TYW5: variants seen among roughly 807,000 people sequenced by gnomAD.
TYW5 encodes the protein tRNA-yW synthesizing protein 5, also known as tRNA wybutosine-synthesizing protein 5.
A neutral mutation model predicts 44.4 loss-of-function variants in TYW5; 36 were observed. The observed-to-expected ratio is 0.81, with a 90% CI of 0.62 to 1.07. The LOEUF (loss-of-function observed/expected upper bound fraction) is 1.07. Among genes scored for constraint, TYW5 ranks in the 50% least tolerant of loss-of-function variants. The pLI, the probability that TYW5 is intolerant of heterozygous loss-of-function variation, is 0.00. For missense variants in TYW5, 354 were observed against 365.7 expected, an observed-to-expected ratio of 0.97 and a Z score of 0.26; for synonymous variants, 121 against 128.1, an observed-to-expected ratio of 0.94 and a Z score of 0.37.
chr2:199,954,150 T>C (rs1369499039), intron 1 of TYW5, among the ~76,000 whole-genome samples: 1 of 151,792 alleles, frequency 6.6e-6, no homozygotes, highest in East Asian at 1.9e-4. Flanking sequence ...TCGCCCATGC[T>C]GGAGCAGTGG....
chr2:199,953,147 C>T (rs2077559858), intron 1 of TYW5, among the ~76,000 whole-genome samples: 1 of 152,128 alleles, frequency 6.6e-6, no homozygotes, highest in African/African-American at 2.4e-5. Flanking sequence ...CATGGCGAAA[C>T]TCCGCCTCTA....
At chr2:199,940,164 C>A (rs1241600158) in intron 3 of TYW5, 31 bp from the exon 4 acceptor site, 3 of 1,601,098 alleles carry the variant, frequency 1.9e-6, no homozygotes, top group Non-Finnish European at 2.6e-6. Flanking sequence ...ATAACATCAG[C>A]AATATTTTAC....
rs1325494981 is a variant in TYW5 at position 199,930,813 on chromosome 2, C to T, written c.*2254G>A. The T allele has an allele frequency of 6.6e-6, 1 of 152,088 alleles. No individual in the cohort carries two copies. Among genetic ancestry groups the T allele is most frequent in the Non-Finnish European group, 1.5e-5 (1 of 68,028 alleles). 9.4% of individuals were successfully genotyped at this position (152,088 alleles called of 1,614,324 possible). The stretch of plus-strand genomic sequence containing the variant: ...TCACAACGAATCCCGGTTTCTATCA[C>T]CCATAGCTATGTGAACCCAGACAAT... On this transcript the variant is annotated 3_prime_UTR_variant, in exon 8 of 8. Transcript: ENST00000354611.
rs1404563908 is a variant in TYW5, at chr2:199,931,752, T to C, written c.*1315A>G. ...CAATAGAGAAAATGATTTTCTCTAA[T>C]TAAAATGCACCAAATTGATGTACTA... On this transcript the variant is annotated 3_prime_UTR_variant, in exon 8 of 8. Transcript: ENST00000354611. The C allele has an allele frequency of 2.0e-5, 3 of 152,154 alleles. No individual in the cohort carries two copies. The highest frequency in any genetic ancestry group is 2.0e-4 in the Admixed American group (3 of 15,262). The allele number at this position is 152,154 out of a possible 1,614,324, so 9.4% of individuals were successfully genotyped here.
rs1241488559 is a variant in TYW5 at position 199,935,969 on chromosome 2, TC to T, written c.652del (p.Glu218AsnfsTer20). 8 of 1,612,826 alleles carry T rather than the reference TC, an allele frequency of 5.0e-6. No individual in the cohort carries two copies. Among genetic ancestry groups the T allele is most frequent in the Non-Finnish European group, 6.8e-6 (8 of 1,179,250 alleles). On this transcript the variant is annotated frameshift_variant, in exon 7 of 8. Coordinates refer to ENST00000354611, the MANE Select transcript of TYW5 (RefSeq NM_001039693.3). LOFTEE classifies it high-confidence loss of function. ...YPLFSKARRY[E>X]CSLEAGDVLF... Reference sequence around the variant, plus strand: ...TACATCACCAGCTTCAAGGGAACATTCATATCTTCTAGCCTTGGAAAAAAGT... The same window carrying T: ...TACATCACCAGCTTCAAGGGAACATTATATCTTCTAGCCTTGGAAAAAAGT...
chr2:199,951,160 CT>C (rs2077541704), intron 1 of TYW5, among the ~76,000 whole-genome samples: 1 of 152,138 alleles, frequency 6.6e-6, no homozygotes. Context: ...AAATATGCCA[CT>C]GGAACTTAAC....
At position 199,933,310 on chromosome 2, in the gene TYW5, A is replaced by T. The variant is rs1380262441; in HGVS notation, c.705T>A (p.His235Gln). 1 of 1,607,494 alleles carries T rather than the reference A, an allele frequency of 6.2e-7. No homozygotes were observed. The highest frequency in any genetic ancestry group is 1.7e-5 in the Admixed American group (1 of 58,684). ...DVLFIPALWF[H>Q]NVISEEFGVG... ...CTCCAAACTCTTCAGAAATTACATT[A>T]TGGAACCATAAAGCTGGAGAAAGTT... The change falls in exon 8 of 8, where the codon CAT (histidine) becomes CAA (glutamine). Residue 235 changes from histidine (H) to glutamine (Q), a missense_variant. Coordinates refer to ENST00000354611, the MANE Select transcript of TYW5 (RefSeq NM_001039693.3).
rs2077588045 is a variant in TYW5, at chr2:199,955,323, C to T, written c.78+70G>A. On this transcript the variant is annotated intron_variant, in intron 1 of 7. Transcript: ENST00000354611. ...CCCTGGGTCTCTAAAAACCAGTTCC[C>T]AGCTGTCCGAAAGGTAAAGACGTGT... The T allele has an allele frequency of 9.7e-6, 15 of 1,551,252 alleles. No individual in the cohort carries two copies. In the South Asian group the frequency reaches 1.6e-4, roughly 17 times the overall value.
intron 1 of TYW5, among the ~76,000 whole-genome samples, chr2:199,951,791 C>A (rs567638890): frequency 6.6e-6 from 1 of 152,042 alleles, no homozygotes; most frequent in South Asian, 2.1e-4. Flanking sequence ...CCGAGGCAGG[C>A]GGATCACAAA....
intron 5 of TYW5, among the ~76,000 whole-genome samples, chr2:199,938,362 CAGATCA>C (rs1179244466): frequency 2.0e-5 from 3 of 152,280 alleles, no homozygotes; most frequent in South Asian, 2.1e-4. Context: ...CCGCGCCCAG[CAGATCA>C]AGATCAATAT....
chr2:199,948,394 C>G lies in TYW5; in HGVS notation c.157G>C (p.Gly53Arg). 1 of 1,614,136 alleles carries G rather than the reference C, an allele frequency of 6.2e-7. No individual in the cohort carries two copies. The highest frequency in any genetic ancestry group is 1.1e-5 in the South Asian group (1 of 91,078). The change falls in exon 2 of 8, where the codon GGA becomes CGA. Residue 53 changes from glycine to arginine, a missense_variant. Transcript: ENST00000354611. The stretch of plus-strand genomic sequence containing the variant: ...TGAATCTTTACTTCTTTCTTCCCTC[C>G]AACTTGGCTTAGGTAATCCACTGTC... ...KWTVDYLSQVGGKKEVKIHVA... is the reference protein window; with the variant it reads ...KWTVDYLSQVRGKKEVKIHVA...
intron 1 of TYW5, among the ~76,000 whole-genome samples, chr2:199,954,379 G>A (rs924683860): frequency 2.0e-5 from 3 of 152,134 alleles, no homozygotes; most frequent in East Asian, 1.9e-4. Context: ...TAGGATTACT[G>A]GCATGAACCA....
At chr2:199,936,352 A>C in intron 6 of TYW5, 53 bp downstream of exon 6, 2 of 1,459,706 alleles carry the variant, frequency 1.4e-6, no homozygotes, top group Non-Finnish European at 1.9e-6. Flanking sequence ...AGATTTCTCA[A>C]AAAGAGTAAC....
At chr2:199,951,949 G>A (rs1468416138) in intron 1 of TYW5, among the ~76,000 whole-genome samples, 2 of 151,808 alleles carry the variant, frequency 1.3e-5, no homozygotes, top group Non-Finnish European at 2.9e-5. Context: ...CCCGGGAGAC[G>A]GAGCTTGCAG....
Position 199,932,978 on chromosome 2 carries a change from T to C in TYW5, c.*89A>G. On this transcript the variant is annotated 3_prime_UTR_variant, in exon 8 of 8. Coordinates refer to ENST00000354611, the MANE Select transcript of TYW5 (RefSeq NM_001039693.3). ...TTCGTACTTACATAATCTGTAAATC[T>C]GATGTATCTTTCCTATTTTAACAAA... The C allele has an allele frequency of 1.4e-6, 2 of 1,435,672 alleles. No homozygotes were observed. The highest frequency in any genetic ancestry group is 1.9e-6 in the Non-Finnish European group (2 of 1,060,294). The allele number at this position is 1,435,672 out of a possible 1,614,324, so 88.9% of individuals were successfully genotyped here.
chr2:199,944,606 T>C (rs1163532305), intron 2 of TYW5: 1 of 152,210 alleles, frequency 6.6e-6, no homozygotes, highest in African/African-American at 2.4e-5. Flanking sequence ...CTATAAATGA[T>C]GGTGATACTG....
chr2:199,938,858 G>T (rs1490780340), intron 5 of TYW5, 75 bp downstream of exon 5: 1 of 1,451,944 alleles, frequency 6.9e-7, no homozygotes, highest in African/African-American at 1.4e-5. Flanking sequence ...CCTATAGGAA[G>T]TTGAAACTGT....
At chr2:199,948,107 T>A in intron 2 of TYW5, 1 of 493,160 alleles carries the variant, frequency 2.0e-6, no homozygotes, top group South Asian at 2.9e-5. Flanking sequence ...AAATAAAAAA[T>A]AAAATAAAAA....
rs1247167681 is a variant in TYW5 at position 199,929,559 on chromosome 2, T to A, written c.*3508A>T. Among the ~76,000 whole-genome samples the A allele has an allele frequency of 6.6e-6, 1 of 151,038 alleles. No individual in the cohort carries two copies. Among genetic ancestry groups the A allele is most frequent in the African/African-American group, 2.4e-5 (1 of 41,092 alleles). ...CCTGCCTTCCAGCTTCCTGCATTTTTTTTTTTTTTTTTTTGTCAACTCCTT... is the reference window on the plus strand; with the variant it reads ...CCTGCCTTCCAGCTTCCTGCATTTTATTTTTTTTTTTTTTGTCAACTCCTT... On this transcript the variant is annotated 3_prime_UTR_variant, in exon 8 of 8. Transcript: ENST00000354611.
Sources: allele counts gnomAD v4.1 joint callset (sites outside exome capture counted in the v4.1 genomes callset), GRCh38; gene constraint gnomAD v4.1.1; transcripts MANE v1.5; gene names NCBI Gene and HGNC (gene_info 2026-07-23, HGNC 2026-07-21).